HEG1: variants seen among roughly 807,000 people sequenced by gnomAD.
The protein encoded by HEG1 is protein HEG homolog 1.
Under a neutral mutation model 125.6 loss-of-function variants are expected in HEG1, and 56 were observed. The observed-to-expected ratio is 0.45, with a 90% CI of 0.36 to 0.56. The LOEUF is 0.56. HEG1 is among the 20% of genes least tolerant of loss of function. The pLI is 0.00. For missense variants in HEG1, 1,523 were observed against 1,670.0 expected (o/e 0.91, Z 1.53); for synonymous variants, 644 against 668.5 (o/e 0.96, Z 0.57).
At chr3:125,012,579 A>G in intron 6 of HEG1, 44 bp downstream of exon 6, 1 of 1,562,602 alleles carries the variant, frequency 6.4e-7, no homozygotes. Flanking sequence ...TCAGTGCTGG[A>G]CTGGGCCTTG....
At position 125,019,408 on chromosome 3, in the gene HEG1, T is replaced by G. The variant is rs1937302481; in HGVS notation, c.1442A>C (p.Asn481Thr). The G allele has an allele frequency of 6.2e-7, 1 of 1,613,916 alleles. No individual in the cohort carries two copies. Among genetic ancestry groups the G allele is most frequent in the Non-Finnish European group, 8.5e-7 (1 of 1,179,890 alleles). Residue 481 changes from asparagine (N) to threonine (T), a missense_variant, in exon 5 of 17, where the codon AAT becomes ACT. Transcript: ENST00000311127. ...TGAGAACTGGGTCAACACTGAAGCA[T>G]TCACACCTTCAGGATATGAAGCAGA... ...GSSASYPEGVNASVLTQFSDS... is the reference protein window; with the variant it reads ...GSSASYPEGVTASVLTQFSDS...
chr3:124,999,232 A>G (rs186126400), intron 11 of HEG1, among the ~76,000 whole-genome samples: 62 of 152,352 alleles, frequency 4.1e-4, no homozygotes, highest in Non-Finnish European at 7.9e-4. Context: ...AGCGTGCTCA[A>G]TCAGAACCAC....
intron 11 of HEG1, among the ~76,000 whole-genome samples, chr3:124,999,544 A>G (rs1478104194): frequency 2.0e-5 from 3 of 152,154 alleles, no homozygotes; most frequent in African/African-American, 7.2e-5. Context: ...TTTTCCTTCC[A>G]CCCTGCCCAT....
At chr3:125,016,624 G>A (rs553204256) in intron 5 of HEG1, among the ~76,000 whole-genome samples, 1 of 152,252 alleles carries the variant, frequency 6.6e-6, no homozygotes, top group East Asian at 1.9e-4. Flanking sequence ...AATATCCCCC[G>A]CTTGTGTGTG....
At chr3:124,980,198 C>A (rs1936622665) in intron 14 of HEG1, among the ~76,000 whole-genome samples, 1 of 152,222 alleles carries the variant, frequency 6.6e-6, no homozygotes, top group Non-Finnish European at 1.5e-5. Context: ...AGCTGCTTCC[C>A]AACGCATCCA....
chr3:124,974,012 T>C (rs987073248), intron 15 of HEG1, 107 bp from the exon 16 acceptor site: 7 of 749,682 alleles, frequency 9.3e-6, no homozygotes, highest in Non-Finnish European at 8.5e-6. Flanking sequence ...GCTACCATTA[T>C]ATTTATTTGT....
intron 1 of HEG1, among the ~76,000 whole-genome samples, chr3:125,036,972 T>C (rs1937553287): frequency 6.6e-6 from 1 of 152,218 alleles, no homozygotes; most frequent in Non-Finnish European, 1.5e-5. Flanking sequence ...AGGAAATTAT[T>C]AGGAAGGGTG....
At chr3:125,022,396 C>CGAGA (rs10565452) in intron 3 of HEG1, among the ~76,000 whole-genome samples, 54,028 of 142,334 alleles carry the variant, frequency 0.38, 10,054 homozygotes, top group South Asian at 0.48. Context: ...ATCACTACAG[C>CGAGA]GAGAGAGAGA....
chr3:124,997,795 G>A lies in HEG1; in HGVS notation c.3546C>T (p.Pro1182=), dbSNP rs1450792523. ...AGATGGAGGTGTCTTTGTCACATTC[G>A]GGACTCTTCCGCTTGCACAAGCTGC... ...RAGSLCKRKS[P]ECDKDTSICT... Residue 1182 remains proline (P), a synonymous_variant, in exon 12 of 17, where the codon CCC becomes CCT. Transcript: ENST00000311127. The A allele has an allele frequency of 1.0e-5, 16 of 1,588,636 alleles. No individual in the cohort carries two copies. Among genetic ancestry groups the A allele is most frequent in the Middle Eastern group, 1.7e-4 (1 of 6,024 alleles).
Position 125,002,288 on chromosome 3 carries a change from T to C in HEG1, c.3325A>G (p.Ser1109Gly), listed in dbSNP as rs760342665. 1.2e-6 allele frequency: 2 copies of C among 1,613,624 alleles called. No homozygotes were observed. Among genetic ancestry groups the C allele is most frequent in the Non-Finnish European group, 1.7e-6 (2 of 1,179,692 alleles). ...TLNMCFSALP[S>G]YIRSTVHASR... is the part of the protein sequence containing the mutation. ...GCGTGAACTGTAGATCGGATGTAAC[T>C]AGGTAACGCTGAAAAACACATATTT... Residue 1109 changes from serine to glycine, a missense_variant, in exon 10 of 17, where the codon AGT becomes GGT. By Grantham distance (56) the Ser-to-Gly change is moderately conservative. Transcript: ENST00000311127.
intron 5 of HEG1, chr3:125,014,684 G>A (rs1203049354): frequency 9.7e-6 from 12 of 1,232,524 alleles, no homozygotes; most frequent in Admixed American, 2.7e-5. Context: ...GAAGGGATGT[G>A]TTAAAAGAGA....
At chr3:124,994,024 G>T (rs1361098891) in intron 12 of HEG1, among the ~76,000 whole-genome samples, 2 of 152,180 alleles carry the variant, frequency 1.3e-5, no homozygotes, top group African/African-American at 2.4e-5. Flanking sequence ...TCACCCTAGA[G>T]CAGCAGTCCC....
chr3:125,001,690 A>C (rs993929933), intron 11 of HEG1, among the ~76,000 whole-genome samples, 162 bp downstream of exon 11: 1 of 152,216 alleles, frequency 6.6e-6, no homozygotes, highest in Non-Finnish European at 1.5e-5. Flanking sequence ...TGCACACATA[A>C]AAGAAGATGC....
At position 124,973,662 on chromosome 3, in the gene HEG1, A is replaced by G. The variant is rs946806804; in HGVS notation, c.3996+69T>C. 6.0e-5 allele frequency: 77 copies of G among 1,292,958 alleles called. 2 individuals are homozygous for G. The South Asian group carries it at 8.1e-4, about 14-fold the overall frequency. The allele number at this position is 1,292,958 out of a possible 1,614,324, so 80.1% of individuals were successfully genotyped here. A position where few individuals can be genotyped will look rare whatever the true frequency, so the allele number is the denominator to read the frequency against. The stretch of plus-strand genomic sequence containing the variant: ...CTAACTGTAATGCTTTTACTACAAC[A>G]AAACAGAATTCCTTTACTTCTCAGA... On this transcript the variant is annotated intron_variant, in intron 16 of 16. Transcript: ENST00000311127.
At chr3:125,014,972 G>A (rs1937223182) in intron 5 of HEG1, 4 of 1,274,898 alleles carry the variant, frequency 3.1e-6, no homozygotes, top group Non-Finnish European at 4.1e-6. Flanking sequence ...TGGCGGAACT[G>A]TCACCTAGTG....
chr3:125,049,290 A>T (rs186631400), intron 1 of HEG1, among the ~76,000 whole-genome samples: 1 of 152,190 alleles, frequency 6.6e-6, no homozygotes, highest in Non-Finnish European at 1.5e-5. Flanking sequence ...TCCACATATG[A>T]TGCATAAACC....
intron 14 of HEG1, among the ~76,000 whole-genome samples, chr3:124,979,336 G>C (rs953741106): frequency 6.6e-6 from 1 of 152,078 alleles, no homozygotes; most frequent in African/African-American, 2.4e-5. Flanking sequence ...ATTTTATAAG[G>C]AACATTACTG....
intron 16 of HEG1, among the ~76,000 whole-genome samples, chr3:124,973,434 C>A (rs1232711853): frequency 1.3e-5 from 2 of 152,210 alleles, no homozygotes. Flanking sequence ...TAAATTCTTG[C>A]TCTACCTTTC....
intron 1 of HEG1, among the ~76,000 whole-genome samples, chr3:125,045,294 T>C (rs1002968554): frequency 6.6e-6 from 1 of 152,240 alleles, no homozygotes; most frequent in African/African-American, 2.4e-5. Flanking sequence ...ACTGTCCTAC[T>C]TCCTTCCCCT....
Sources: allele counts gnomAD v4.1 joint callset (sites outside exome capture counted in the v4.1 genomes callset), GRCh38; gene constraint gnomAD v4.1.1; transcripts MANE v1.5; gene names NCBI Gene and HGNC (gene_info 2026-07-23, HGNC 2026-07-21).